The following GRID1 variants were observed in gnomAD, a reference collection of about 807,000 sequenced individuals.
The protein encoded by GRID1 is glutamate ionotropic receptor delta type subunit 1, also known as glutamate receptor ionotropic, delta-1.
In GRID1, 28 loss-of-function variants were observed where a neutral mutation model predicts 98.0. The ratio of observed to expected loss-of-function variants is 0.29; its 90% CI spans 0.21 to 0.39. The LOEUF is 0.39. Ranked by LOEUF, GRID1 falls within the 10% of genes least tolerant of loss-of-function variation. The pLI, the probability that GRID1 is intolerant of heterozygous loss-of-function variation, is 1.00. For missense variants in GRID1, 1,111 were observed against 1,340.5 expected, an observed-to-expected ratio of 0.83 and a Z score of 2.67; for synonymous variants, 553 against 538.5, an observed-to-expected ratio of 1.03 and a Z score of -0.37.
intron 12 of GRID1, among the ~76,000 whole-genome samples, chr10:85,701,708 C>A (rs1051323622): frequency 6.6e-6 from 1 of 152,072 alleles, no homozygotes; most frequent in Admixed American, 6.6e-5. Flanking sequence ...ACTGATTATT[C>A]TAAAGGAAGT....
intron 15 of GRID1, among the ~76,000 whole-genome samples, chr10:85,611,455 C>T (rs1179202082): frequency 6.6e-6 from 1 of 152,224 alleles, no homozygotes; most frequent in Non-Finnish European, 1.5e-5. Context: ...AAATTCCTGA[C>T]AGTGCAATTT....
chr10:86,284,997 G>C (rs549713119), intron 2 of GRID1, among the ~76,000 whole-genome samples: 273 of 99,438 alleles, frequency 2.7e-3, no homozygotes, highest in African/African-American at 9.4e-3. Context: ...TGGAAGGTAC[G>C]AGACCATGCC....
intron 5 of GRID1, among the ~76,000 whole-genome samples, chr10:85,881,451 G>A (rs1841012885): frequency 6.6e-6 from 1 of 152,106 alleles, no homozygotes; most frequent in South Asian, 2.1e-4. Context: ...ACAGAACAGA[G>A]CCCTCAGAAA....
At chr10:85,905,607 T>C (rs1485947612) in intron 5 of GRID1, among the ~76,000 whole-genome samples, 1 of 152,138 alleles carries the variant, frequency 6.6e-6, no homozygotes, top group Non-Finnish European at 1.5e-5. Flanking sequence ...ACAATTACAT[T>C]GAGTCGGGAG....
At chr10:86,158,546 T>A (rs1845277767) in intron 3 of GRID1, among the ~76,000 whole-genome samples, 1 of 152,082 alleles carries the variant, frequency 6.6e-6, no homozygotes, top group Non-Finnish European at 1.5e-5. Flanking sequence ...TTGAAAGGGC[T>A]CCCAGACCAA....
intron 2 of GRID1, among the ~76,000 whole-genome samples, chr10:86,345,494 G>C (rs77473938): frequency 1.8e-4 from 28 of 152,336 alleles, no homozygotes; most frequent in African/African-American, 6.3e-4. Flanking sequence ...GGAGGCAGAA[G>C]CCAGGCTTAG....
At chr10:85,619,789 T>A (rs542819878) in intron 14 of GRID1, 78 bp downstream of exon 14, 2 of 1,111,400 alleles carry the variant, frequency 1.8e-6, no homozygotes, top group Non-Finnish European at 2.7e-6. Flanking sequence ...TTGGCTCTTA[T>A]CTTCTAAGAG....
chr10:85,772,561 C>T (rs1372720858), intron 8 of GRID1, among the ~76,000 whole-genome samples: 10 of 151,954 alleles, frequency 6.6e-5, no homozygotes, highest in African/African-American at 2.2e-4. Flanking sequence ...ATCAACAAAA[C>T]TGATAGACTG....
chr10:86,228,135 G>C (rs1388469872), intron 2 of GRID1, among the ~76,000 whole-genome samples: 1 of 151,626 alleles, frequency 6.6e-6, no homozygotes, highest in Non-Finnish European at 1.5e-5. Flanking sequence ...GTAGGTGGTT[G>C]GGTGAGTAGG....
chr10:86,324,448 C>G (rs1848015358), intron 2 of GRID1, among the ~76,000 whole-genome samples: 1 of 152,120 alleles, frequency 6.6e-6, no homozygotes, highest in Non-Finnish European at 1.5e-5. Flanking sequence ...GGGGAGGGGA[C>G]TTTTTGGTTG....
intron 4 of GRID1, among the ~76,000 whole-genome samples, chr10:85,919,530 C>T (rs1236726140): frequency 6.6e-6 from 1 of 152,182 alleles, no homozygotes; most frequent in African/African-American, 2.4e-5. Context: ...ACCCGCGCCA[C>T]TCCAGCAATT....
At chr10:85,664,960 A>G (rs938657141) in intron 12 of GRID1, among the ~76,000 whole-genome samples, 1 of 152,222 alleles carries the variant, frequency 6.6e-6, no homozygotes, top group South Asian at 2.1e-4. Context: ...GGCAGTTTCT[A>G]GTACAGAATA....
At chr10:85,828,173 G>C (rs1842836412) in intron 8 of GRID1, among the ~76,000 whole-genome samples, 1 of 152,056 alleles carries the variant, frequency 6.6e-6, no homozygotes, top group Non-Finnish European at 1.5e-5. Flanking sequence ...TAAACAACCT[G>C]CTCCCGAATG....
intron 12 of GRID1, among the ~76,000 whole-genome samples, chr10:85,701,381 GAA>G (rs34546552): frequency 2.0e-5 from 3 of 149,136 alleles, no homozygotes; most frequent in Non-Finnish European, 3.0e-5. Context: ...TGGACGCCAA[GAA>G]AAAAAAAAGG....
At chr10:86,324,977 G>A (rs1248604069) in intron 2 of GRID1, among the ~76,000 whole-genome samples, 1 of 151,724 alleles carries the variant, frequency 6.6e-6, no homozygotes, top group Non-Finnish European at 1.5e-5. Context: ...GGAACAGGGA[G>A]AGTTCATTTT....
intron 6 of GRID1, among the ~76,000 whole-genome samples, chr10:85,861,501 A>G (rs1332419663): frequency 1.3e-5 from 2 of 152,158 alleles, no homozygotes; most frequent in Non-Finnish European, 2.9e-5. Flanking sequence ...CATAAAAGGT[A>G]CAAACACAGG....
intron 12 of GRID1, among the ~76,000 whole-genome samples, chr10:85,660,884 C>T (rs1385963426): frequency 6.6e-6 from 1 of 152,052 alleles, no homozygotes; most frequent in Admixed American, 6.6e-5. Flanking sequence ...CTACGTCTTG[C>T]TAGCTCTGTG....
intron 6 of GRID1, among the ~76,000 whole-genome samples, chr10:85,866,159 T>C (rs1843219339): frequency 6.6e-6 from 1 of 150,968 alleles, no homozygotes; most frequent in African/African-American, 2.4e-5. Flanking sequence ...GCAAGGAAGC[T>C]ATGATTGAGT....
At chr10:85,691,151 A>G (rs1841327344) in intron 12 of GRID1, among the ~76,000 whole-genome samples, 1 of 152,244 alleles carries the variant, frequency 6.6e-6, no homozygotes, top group African/African-American at 2.4e-5. Flanking sequence ...CCACTGTGCT[A>G]ACACACAAAA....
Sources: gnomAD v4.1 joint callset for allele counts (sites outside exome capture counted in the v4.1 genomes callset) on GRCh38, gnomAD v4.1.1 for gene constraint, MANE v1.5 for transcripts, NCBI Gene and HGNC (gene_info 2026-07-23, HGNC 2026-07-21) for gene names.